The following METTL2B variants were observed in gnomAD, a reference collection of about 807,000 sequenced individuals.
METTL2B encodes the protein methyltransferase 2B, tRNA N3-cytidine, also known as tRNA N(3)-cytidine methyltransferase METTL2B.
Under a neutral mutation model 51.0 loss-of-function variants are expected in METTL2B, and 28 were observed. The ratio of observed to expected loss-of-function variants is 0.55; its 90% CI spans 0.41 to 0.75. METTL2B has a LOEUF of 0.75. METTL2B is among the 30% of genes least tolerant of loss of function. The pLI, the probability that METTL2B is intolerant of heterozygous loss-of-function variation, is 0.00. For synonymous variants in METTL2B, 128 were observed against 166.3 expected (o/e 0.77, Z 1.77); for missense variants, 313 against 460.7 (o/e 0.68, Z 2.93).
intron 5 of METTL2B, among the ~76,000 whole-genome samples, chr7:128,493,384 G>T (rs890270845): frequency 2.0e-5 from 3 of 151,990 alleles, no homozygotes; most frequent in Non-Finnish European, 4.4e-5. Context: ...AGCTAATTTT[G>T]TATTTTTAGT....
In METTL2B at chr7:128,503,051, G is replaced by A. The variant is rs536012565; in HGVS notation, c.*1135G>A. ...TGGGAGGCTGAGGCAGGTGGATCAC[G>A]AGGTCAGGAGATCGAGACCATCCTG... On this transcript the variant is annotated 3_prime_UTR_variant, in exon 9 of 9. Coordinates refer to ENST00000262432, the MANE Select transcript of METTL2B (RefSeq NM_018396.3). 3 of 159,740 alleles carry A rather than the reference G, an allele frequency of 1.9e-5. No homozygotes were observed. The highest frequency in any genetic ancestry group is 3.4e-4 in the South Asian group (2 of 5,930). The allele number at this position is 159,740 out of a possible 1,614,324, so 9.9% of individuals were successfully genotyped here.
chr7:128,488,642 T>C, intron 5 of METTL2B: 1 of 389,120 alleles, frequency 2.6e-6, no homozygotes, highest in Non-Finnish European at 5.3e-6. Context: ...TCAGGTCTCC[T>C]TGTTCTCTAA....
At chr7:128,492,444 C>T (rs1381592362) in intron 5 of METTL2B, among the ~76,000 whole-genome samples, 1 of 151,804 alleles carries the variant, frequency 6.6e-6, no homozygotes, top group Non-Finnish European at 1.5e-5. Context: ...AGGCCTGCAC[C>T]TGGCATTTTT....
chr7:128,491,340 A>C (rs1792826331), intron 5 of METTL2B, among the ~76,000 whole-genome samples: 1 of 150,748 alleles, frequency 6.6e-6, no homozygotes, highest in Non-Finnish European at 1.5e-5. Flanking sequence ...TCATGCCTGT[A>C]ATCCCAGCAC....
intron 5 of METTL2B, among the ~76,000 whole-genome samples, chr7:128,491,760 T>TG (rs1792837061): frequency 7.2e-5 from 1 of 13,892 alleles, no homozygotes; most frequent in Non-Finnish European, 1.6e-4. Flanking sequence ...AGACTCTGTC[T>TG]CAAAAAAAAA....
Position 128,477,333 on chromosome 7 carries a change from A to G in METTL2B, c.202+160A>G, listed in dbSNP as rs114834891. Among the ~76,000 whole-genome samples, 1,506 of 152,180 alleles carry G rather than the reference A, an allele frequency of 9.9e-3. 20 individuals are homozygous for G. The highest frequency in any genetic ancestry group is 0.035 in the African/African-American group (1,446 of 41,514). ...ACAGGGAGGGGATGAGCAAGGAGGG[A>G]AAAGGGCTGCATTGTAACAAAATCT... On this transcript the variant is annotated intron_variant, in intron 2 of 8. Transcript: ENST00000262432.
At chr7:128,501,031 T>G (rs1165477316) in intron 8 of METTL2B, 63 bp downstream of exon 8, 2 of 1,606,798 alleles carry the variant, frequency 1.2e-6, no homozygotes, top group Non-Finnish European at 1.7e-6. Flanking sequence ...CAAGGCACAT[T>G]CAGAAGGAAA....
At chr7:128,493,968 A>G in intron 6 of METTL2B, 25 bp downstream of exon 6, 1 of 1,591,182 alleles carries the variant, frequency 6.3e-7, no homozygotes, top group Non-Finnish European at 8.5e-7. Flanking sequence ...CTTAGCTGGT[A>G]GTGTCACAAA....
At chr7:128,501,483 G>A (rs754920002) in intron 8 of METTL2B, 6 of 985,390 alleles carry the variant, frequency 6.1e-6, no homozygotes, top group Non-Finnish European at 7.2e-6. Flanking sequence ...TTTGACATAC[G>A]TAGATAGTTT....
chr7:128,476,775 T>A lies in METTL2B; in HGVS notation c.10T>A (p.Ser4Thr). The A allele has an allele frequency of 6.2e-7, 1 of 1,614,040 alleles. No individual in the cohort carries two copies. The highest frequency in any genetic ancestry group is 8.5e-7 in the Non-Finnish European group (1 of 1,179,986). Reference sequence around the variant, plus strand: ...TTCCGGCTCCGGTGTCATGGCCGGCTCCTACCCTGAAGGTGCACCTGCAAT... The same window carrying A: ...TTCCGGCTCCGGTGTCATGGCCGGCACCTACCCTGAAGGTGCACCTGCAAT... MAG[S>T]YPEGAPAILA... The change falls in exon 1 of 9, where the codon TCC becomes ACC. Residue 4 changes from serine (S) to threonine (T), a missense_variant. By Grantham distance (58) the Ser-to-Thr change is moderately conservative (BLOSUM62 1). Around this residue, in one of 4 missense-constraint regions of METTL2B, gnomAD observed 66 missense variants for 58.2 expected, o/e 1.13. Coordinates refer to ENST00000262432, the MANE Select transcript of METTL2B (RefSeq NM_018396.3).
At chr7:128,492,784 T>C (rs1255498875) in intron 5 of METTL2B, among the ~76,000 whole-genome samples, 2 of 151,722 alleles carry the variant, frequency 1.3e-5, no homozygotes, top group Non-Finnish European at 1.5e-5. Flanking sequence ...ACCCGGCTAA[T>C]TTTTTGTATT....
chr7:128,484,702 C>G (rs1453143831), intron 4 of METTL2B, among the ~76,000 whole-genome samples: 3 of 152,048 alleles, frequency 2.0e-5, no homozygotes, highest in Non-Finnish European at 4.4e-5. Context: ...AAGCGATTCT[C>G]CTGCCTCAGC....
chr7:128,492,243 G>A (rs1313642739), intron 5 of METTL2B, among the ~76,000 whole-genome samples: 2 of 150,772 alleles, frequency 1.3e-5, no homozygotes, highest in African/African-American at 2.4e-5. Context: ...TGCAACCTCC[G>A]CCTCCCAGGT....
In METTL2B at chr7:128,479,361, A is replaced by C. The variant is rs138655370; in HGVS notation, c.406A>C (p.Ile136Leu). 1 of 1,614,260 alleles carries C rather than the reference A, an allele frequency of 6.2e-7. No homozygotes were observed. The highest frequency in any genetic ancestry group is 1.3e-5 in the African/African-American group (1 of 75,078). ...AAACAATGAGGATGGACCTGGTTTA[A>C]TAATGGAAGAACAGCACAAGTGTTC... ...CRNNEDGPGL[I>L]MEEQHKCSSK... The change falls in exon 3 of 9, where the codon ATA becomes CTA. Residue 136 changes from isoleucine (I) to leucine (L), a missense_variant. By Grantham distance (5) the Ile-to-Leu change is conservative. This residue lies in a region of METTL2B where 42 missense variants were observed against 113.4 expected (regional missense o/e 0.37). Transcript: ENST00000262432.
chr7:128,490,481 A>T (rs900592917), intron 5 of METTL2B, among the ~76,000 whole-genome samples: 1 of 152,146 alleles, frequency 6.6e-6, no homozygotes, highest in African/African-American at 2.4e-5. Flanking sequence ...TAACAGAAAC[A>T]TCTAGACAAA....
chr7:128,498,649 T>C (rs1436081958), intron 7 of METTL2B, among the ~76,000 whole-genome samples: 1 of 152,006 alleles, frequency 6.6e-6, no homozygotes, highest in Non-Finnish European at 1.5e-5. Context: ...ATAATCTAGA[T>C]ATTGAGGTCT....
intron 5 of METTL2B, among the ~76,000 whole-genome samples, chr7:128,492,594 GGTTTGTTT>G (rs3993549): frequency 1.5e-3 from 221 of 150,542 alleles, no homozygotes; most frequent in African/African-American, 1.8e-3. Flanking sequence ...TCGTGCTTTT[GGTTTGTTT>G]GTTTGTTTGT....
chr7:128,495,076 G>C (rs181797088), intron 6 of METTL2B, among the ~76,000 whole-genome samples: 189 of 151,306 alleles, frequency 1.2e-3, no homozygotes, highest in Non-Finnish European at 1.7e-3. Flanking sequence ...CACCATGCCT[G>C]GCTAATTTTT....
intron 7 of METTL2B, among the ~76,000 whole-genome samples, chr7:128,500,522 T>G (rs1355847774): frequency 6.6e-6 from 1 of 152,096 alleles, no homozygotes; most frequent in Non-Finnish European, 1.5e-5. Context: ...CTTGGGAGGC[T>G]GAGGCAGGAG....
Sources: allele counts gnomAD v4.1 joint callset (sites outside exome capture counted in the v4.1 genomes callset), GRCh38; gene constraint gnomAD v4.1.1; regional missense constraint gnomAD v4.1.1; transcripts MANE v1.5; gene names NCBI Gene and HGNC (gene_info 2026-07-23, HGNC 2026-07-21).